Variants in RHOQ observed in about 807,000 individuals in gnomAD.
RHOQ encodes ras homolog family member Q, also known as rho-related GTP-binding protein RhoQ.
Under a neutral mutation model 25.8 loss-of-function variants are expected in RHOQ, and 7 were observed. That is an observed-to-expected ratio of 0.27 (90% CI 0.15 to 0.51). RHOQ has a LOEUF of 0.51. RHOQ is among the 20% of genes least tolerant of loss of function. The pLI, the probability that RHOQ is intolerant of heterozygous loss-of-function variation, is 0.97. For missense variants in RHOQ, 165 were observed against 260.6 expected, an observed-to-expected ratio of 0.63 and a Z score of 2.53; for synonymous variants, 97 against 98.6, an observed-to-expected ratio of 0.98 and a Z score of 0.10.
Position 46,555,447 on chromosome 2 carries a change from A to G in RHOQ, c.201+11635A>G, listed in dbSNP as rs991797144. Reference sequence around the variant, plus strand: ...TTTAGGGGAGTCTGGTGGTAAGATTATTATGGAAAGAACCTTTCCCATCAC... The same window carrying G: ...TTTAGGGGAGTCTGGTGGTAAGATTGTTATGGAAAGAACCTTTCCCATCAC... On this transcript the variant is annotated intron_variant, in intron 2 of 4. Coordinates refer to ENST00000238738, the MANE Select transcript of RHOQ (RefSeq NM_012249.4). This position sits in a 1 kb window ranked among gnomAD's most constrained non-coding sequence, Gnocchi z 4.3. 6.6e-6 allele frequency among the ~76,000 whole-genome samples: 1 copy of G among 152,192 alleles called. No individual in the cohort carries two copies. The highest frequency in any genetic ancestry group is 2.4e-5 in the African/African-American group (1 of 41,444).
intron 2 of RHOQ, among the ~76,000 whole-genome samples, chr2:46,545,275 T>C (rs902367149): frequency 1.3e-5 from 2 of 152,208 alleles, no homozygotes; most frequent in Admixed American, 6.5e-5. Context: ...AGTCGTATTA[T>C]TGATAAACAA....
Position 46,576,832 on chromosome 2 carries a change from G to A in RHOQ, c.462+176G>A. On this transcript the variant is annotated intron_variant, in intron 4 of 4. Transcript: ENST00000238738. The surrounding 1 kb of genome is among the most constrained non-coding windows in gnomAD (Gnocchi z 5.1). ...TCTGTTTCCCCTGTTACACAGAAGA[G>A]ACAGTGGAGGCTGGGAGATGTCAGA... 7 of 455,660 alleles carry A rather than the reference G, an allele frequency of 1.5e-5. No individual in the cohort carries two copies. The South Asian group carries it at 3.3e-4, about 22-fold the overall frequency. 28.2% of individuals were successfully genotyped at this position (455,660 alleles called of 1,614,324 possible). A position where few individuals can be genotyped will look rare whatever the true frequency, so the allele number is the denominator to read the frequency against.
chr2:46,575,584 C>T lies in RHOQ; in HGVS notation c.202-503C>T, dbSNP rs547919024. On this transcript the variant is annotated intron_variant, in intron 2 of 4. Transcript: ENST00000238738. ...TTGACTTACTGGCTACACATCCTTA[C>T]GCAAGTAATTTAACTTCTGTGCTTC... Among the ~76,000 whole-genome samples, 86 of 152,204 alleles carry T rather than the reference C, an allele frequency of 5.7e-4. 1 individual carries two copies. Among genetic ancestry groups the T allele is most frequent in the African/African-American group, 1.9e-3 (79 of 41,540 alleles).
intron 4 of RHOQ, among the ~76,000 whole-genome samples, chr2:46,578,505 G>T (rs1669216375): frequency 1.4e-5 from 2 of 146,330 alleles, no homozygotes; most frequent in Non-Finnish European, 3.0e-5. Context: ...GCTGAGGTGG[G>T]TGGATCGTTT....
Position 46,581,623 on chromosome 2 carries a change from A to C in RHOQ, c.*540A>C. ...AGAGAATGTATGAGATCAAAAAAGA[A>C]CAAATGTTTTATTATTACTTGAGCA... On this transcript the variant is annotated 3_prime_UTR_variant, in exon 5 of 5. Transcript: ENST00000238738. 1 of 1,602,004 alleles carries C rather than the reference A, an allele frequency of 6.2e-7. No homozygotes were observed. Among genetic ancestry groups the C allele is most frequent in the East Asian group, 2.2e-5 (1 of 44,484 alleles).
chr2:46,542,735 T>TA lies in RHOQ; in HGVS notation c.-311dup, dbSNP rs1393619111. 1 of 145,630 alleles carries TA rather than the reference T, an allele frequency of 6.9e-6. No individual in the cohort carries two copies. Among genetic ancestry groups the TA allele is most frequent in the Non-Finnish European group, 1.5e-5 (1 of 65,438 alleles). The allele number at this position is 145,630 out of a possible 1,614,324, so 9.0% of individuals were successfully genotyped here. The stretch of plus-strand genomic sequence containing the variant: ...CGTCTCCCCCGGGGCCGGCCGGTCT[T>TA]ATGATCCGGCGGATCCTCCTGGGGA... On this transcript the variant is annotated 5_prime_UTR_variant, in exon 1 of 5. It adds an upstream start codon to the 5' untranslated region. Transcript: ENST00000238738.
chr2:46,555,862 G>A lies in RHOQ; in HGVS notation c.201+12050G>A, dbSNP rs891400798. Among the ~76,000 whole-genome samples the A allele has an allele frequency of 6.6e-6, 1 of 152,198 alleles. No individual in the cohort carries two copies. The highest frequency in any genetic ancestry group is 1.5e-5 in the Non-Finnish European group (1 of 68,026). On this transcript the variant is annotated intron_variant, in intron 2 of 4. Coordinates refer to ENST00000238738, the MANE Select transcript of RHOQ (RefSeq NM_012249.4). This position sits in a 1 kb window ranked among gnomAD's most constrained non-coding sequence, Gnocchi z 4.3. ...GAGACCGGAATGCCTCCTGTTGTCT[G>A]AACAAGCTAGTATGGAAGTAGCATC...
chr2:46,582,775 G>A lies in RHOQ; in HGVS notation c.*1692G>A, dbSNP rs1266029764. 2 of 152,556 alleles carry A rather than the reference G, an allele frequency of 1.3e-5. No individual in the cohort carries two copies. The highest frequency in any genetic ancestry group is 2.9e-5 in the Non-Finnish European group (2 of 67,992). The allele number at this position is 152,556 out of a possible 1,614,324, so 9.5% of individuals were successfully genotyped here. On this transcript the variant is annotated 3_prime_UTR_variant, in exon 5 of 5. Transcript: ENST00000238738. ...CTCATATCAGTCACAAATCTAGGAT[G>A]TACTGTCTTGTTGTATGTGAGCTTT...
rs186583689 is a variant in RHOQ, at chr2:46,576,869, A to G, written c.462+213A>G. ...TGGGAGATGTCAGATAATTCGCCCA[A>G]GATCCTGCAGGTAATAAATGGCAGA... On this transcript the variant is annotated intron_variant, in intron 4 of 4. Transcript: ENST00000238738. The surrounding 1 kb of genome is among the most constrained non-coding windows in gnomAD (Gnocchi z 5.1). 9 of 389,528 alleles carry G rather than the reference A, an allele frequency of 2.3e-5. No individual in the cohort carries two copies. The South Asian group carries it at 5.8e-4, about 25-fold the overall frequency. 24.1% of individuals were successfully genotyped at this position (389,528 alleles called of 1,614,324 possible).
chr2:46,581,601 G>C lies in RHOQ; in HGVS notation c.*518G>C, dbSNP rs1669377767. On this transcript the variant is annotated 3_prime_UTR_variant, in exon 5 of 5. Coordinates refer to ENST00000238738, the MANE Select transcript of RHOQ (RefSeq NM_012249.4). ...AGGAGATGGGCCATACCTGAGGAGA[G>C]AATGTATGAGATCAAAAAAGAACAA... 1.2e-6 allele frequency: 2 copies of C among 1,609,396 alleles called. No homozygotes were observed. The highest frequency in any genetic ancestry group is 1.1e-5 in the South Asian group (1 of 90,620).
intron 4 of RHOQ, among the ~76,000 whole-genome samples, chr2:46,577,565 A>ATTTTTTTTTTTT (rs908178158): frequency 1.5e-5 from 1 of 64,958 alleles, no homozygotes. Context: ...ACACCCGGCT[A>ATTTTTTTTTTTT]TTTTTTTTTT....
Position 46,543,772 on chromosome 2 carries a change from G to T in RHOQ, c.161G>T (p.Gly54Val). 1 of 1,613,760 alleles carries T rather than the reference G, an allele frequency of 6.2e-7. No homozygotes were observed. The highest frequency in any genetic ancestry group is 8.5e-7 in the Non-Finnish European group (1 of 1,179,884). ...CTTGCAGTCAGCGTCACCGTGGGGGGCAAGCAGTACCTCCTAGGACTCTAT... is the reference window on the plus strand; with the variant it reads ...CTTGCAGTCAGCGTCACCGTGGGGGTCAAGCAGTACCTCCTAGGACTCTAT... ...DHYAVSVTVG[G>V]KQYLLGLYDT... Residue 54 changes from glycine (G) to valine (V), a missense_variant, in exon 2 of 5, where the codon GGC becomes GTC. By Grantham distance (109) the Gly-to-Val change is moderately radical. Coordinates refer to ENST00000238738, the MANE Select transcript of RHOQ (RefSeq NM_012249.4).
Position 46,549,580 on chromosome 2 carries a change from G to T in RHOQ, c.201+5768G>T, listed in dbSNP as rs903878345. The stretch of plus-strand genomic sequence containing the variant: ...GAAACAAGATGGAAGACCATGTGTG[G>T]CTCTTAAAAATTAAAATTCCTGATT... On this transcript the variant is annotated intron_variant, in intron 2 of 4. Transcript: ENST00000238738. Among the ~76,000 whole-genome samples the T allele has an allele frequency of 3.9e-5, 6 of 152,194 alleles. No individual in the cohort carries two copies. In the East Asian group the frequency reaches 1.2e-3, roughly 29 times the overall value.
At chr2:46,546,512 G>GTC (rs1668071486) in intron 2 of RHOQ, among the ~76,000 whole-genome samples, 1 of 18,758 alleles carries the variant, frequency 5.3e-5, no homozygotes, top group Non-Finnish European at 1.1e-4. Context: ...ATATATATAT[G>GTC]TATATACATA....
At chr2:46,565,896 G>C (rs996263467) in intron 2 of RHOQ, among the ~76,000 whole-genome samples, 1 of 152,232 alleles carries the variant, frequency 6.6e-6, no homozygotes, top group African/African-American at 2.4e-5. Context: ...GACAGGAGAA[G>C]CTTGTGGTGC....
At chr2:46,554,329 T>A (rs1338986359) in intron 2 of RHOQ, among the ~76,000 whole-genome samples, 8 of 152,152 alleles carry the variant, frequency 5.3e-5, no homozygotes, top group African/African-American at 1.9e-4. Context: ...GGAAGCAGAA[T>A]TTTTTGTGGG....
chr2:46,575,981 G>C, intron 2 of RHOQ, 106 bp from the exon 3 acceptor site: 1 of 859,326 alleles, frequency 1.2e-6, no homozygotes, highest in Non-Finnish European at 1.7e-6. Flanking sequence ...CATTCCACTA[G>C]TGGAGTACTC....
At position 46,569,606 on chromosome 2, in the gene RHOQ, G is replaced by C. The variant is rs1020332458; in HGVS notation, c.202-6481G>C. ...GTTACAATCAGTCAGGTGGCCAAAAGGAAAGCACAATGGAAAAGAAGCCCA... is the reference window on the plus strand; with the variant it reads ...GTTACAATCAGTCAGGTGGCCAAAACGAAAGCACAATGGAAAAGAAGCCCA... On this transcript the variant is annotated intron_variant, in intron 2 of 4. Transcript: ENST00000238738. This position sits in a 1 kb window ranked among gnomAD's most constrained non-coding sequence, Gnocchi z 4.1. 1 of 152,154 alleles carries C rather than the reference G, an allele frequency of 6.6e-6. No homozygotes were observed. Among genetic ancestry groups the C allele is most frequent in the African/African-American group, 2.4e-5 (1 of 41,436 alleles). 9.4% of individuals were successfully genotyped at this position (152,154 alleles called of 1,614,324 possible). A position where few individuals can be genotyped will look rare whatever the true frequency, so the allele number is the denominator to read the frequency against.
chr2:46,566,961 A>G lies in RHOQ; in HGVS notation c.202-9126A>G, dbSNP rs1156962447. ...TTGCATTTATAGTCATTTTTGTCCC[A>G]ATTTGTTCAATGCCTGATTTGATAC... On this transcript the variant is annotated intron_variant, in intron 2 of 4. Transcript: ENST00000238738. This position sits in a 1 kb window ranked among gnomAD's most constrained non-coding sequence, Gnocchi z 4.2. 6.6e-6 allele frequency among the ~76,000 whole-genome samples: 1 copy of G among 152,184 alleles called. No homozygotes were observed. Among genetic ancestry groups the G allele is most frequent in the African/African-American group, 2.4e-5 (1 of 41,512 alleles).
Sources: gnomAD v4.1 joint callset for allele counts (sites outside exome capture counted in the v4.1 genomes callset) on GRCh38, gnomAD v4.1.1 for gene constraint, Gnocchi (gnomAD v3.1) non-coding constraint, MANE v1.5 for transcripts, NCBI Gene and HGNC (gene_info 2026-07-23, HGNC 2026-07-21) for gene names.